The following CTNNA3 variants were observed in gnomAD, a reference collection of about 807,000 sequenced individuals.
The protein encoded by CTNNA3 is catenin alpha 3.
In CTNNA3, 76 loss-of-function variants were observed where a neutral mutation model predicts 95.7. The observed-to-expected ratio is 0.79, with a 90% confidence interval of 0.66 to 0.96. The LOEUF (loss-of-function observed/expected upper bound fraction) is 0.96, where lower values mean the gene tolerates loss of function less well. CTNNA3 is among the 40% of genes least tolerant of loss of function. The probability of loss-of-function intolerance (pLI) is 0.00; values close to 1 mark genes in which losing one functional copy is unlikely to be tolerated. For synonymous variants in CTNNA3, 431 were observed against 374.4 expected, an observed-to-expected ratio of 1.15 and a Z score of -1.74; for missense variants, 1,191 against 1,089.8, an observed-to-expected ratio of 1.09 and a Z score of -1.31.
chr10:67,355,870 G>A (rs1015458390), intron 5 of CTNNA3, among the ~76,000 whole-genome samples: 1 of 151,904 alleles, frequency 6.6e-6, no homozygotes, highest in African/African-American at 2.4e-5. Flanking sequence ...ATAGTGAAGA[G>A]GGAATCCCAG....
At chr10:66,288,571 C>T (rs890491110) in intron 12 of CTNNA3, among the ~76,000 whole-genome samples, 1 of 152,082 alleles carries the variant, frequency 6.6e-6, no homozygotes, top group African/African-American at 2.4e-5. Flanking sequence ...TATTAAAATA[C>T]TATAAATGAA....
chr10:67,000,236 C>T (rs2132980764), intron 7 of CTNNA3, among the ~76,000 whole-genome samples: 1 of 152,264 alleles, frequency 6.6e-6, no homozygotes, highest in South Asian at 2.1e-4. Flanking sequence ...TTACTAAGTG[C>T]TGCAGAAGTA....
intron 15 of CTNNA3, among the ~76,000 whole-genome samples, chr10:66,007,684 G>A (rs920403602): frequency 1.9e-5 from 2 of 107,060 alleles, no homozygotes; most frequent in Non-Finnish European, 3.9e-5. Flanking sequence ...TCTGAAAGGA[G>A]TATAAGCCAG....
At chr10:67,162,538 T>C (rs1452677993) in intron 7 of CTNNA3, among the ~76,000 whole-genome samples, 1 of 151,890 alleles carries the variant, frequency 6.6e-6, no homozygotes, top group East Asian at 1.9e-4. Flanking sequence ...GGCTTGAGTT[T>C]TTAAAAAAAG....
intron 11 of CTNNA3, among the ~76,000 whole-genome samples, chr10:66,450,367 C>A (rs1320358737): frequency 1.3e-5 from 2 of 152,038 alleles, no homozygotes; most frequent in Non-Finnish European, 2.9e-5. Context: ...CAAATCTAAT[C>A]TATATAAATA....
intron 5 of CTNNA3, among the ~76,000 whole-genome samples, chr10:67,340,542 G>T (rs187298457): frequency 6.6e-6 from 1 of 152,314 alleles, no homozygotes; most frequent in Admixed American, 6.5e-5. Flanking sequence ...GGCAAAGATT[G>T]TCCTGAATTT....
At chr10:67,698,936 G>A (rs1268211756), upstream of CTNNA3, among the ~76,000 whole-genome samples, 1 of 151,852 alleles carries the variant, frequency 6.6e-6, no homozygotes, top group Non-Finnish European at 1.5e-5. Flanking sequence ...AAGAAGAACA[G>A]AAGCCATCTG....
intron 9 of CTNNA3, among the ~76,000 whole-genome samples, chr10:66,708,997 G>C (rs760478704): frequency 1.7e-4 from 26 of 152,040 alleles, no homozygotes; most frequent in South Asian, 4.1e-4. Flanking sequence ...ACCTCACCAA[G>C]TGATATACAC....
At chr10:66,071,996 A>T (rs1320068190) in intron 14 of CTNNA3, among the ~76,000 whole-genome samples, 1 of 152,216 alleles carries the variant, frequency 6.6e-6, no homozygotes, top group East Asian at 1.9e-4. Context: ...ATAAAGGACA[A>T]GATAGTGATA....
chr10:67,076,123 C>T (rs558030076), intron 7 of CTNNA3, among the ~76,000 whole-genome samples: 2 of 152,306 alleles, frequency 1.3e-5, no homozygotes, highest in East Asian at 3.9e-4. Context: ...GGAGGGTGGA[C>T]CTTTTAAGCT....
At chr10:67,467,097 C>A (rs915607306) in intron 5 of CTNNA3, among the ~76,000 whole-genome samples, 1 of 151,954 alleles carries the variant, frequency 6.6e-6, no homozygotes, top group African/African-American at 2.4e-5. Context: ...ATGATCACAC[C>A]ACTGCACTTC....
chr10:66,172,819 T>C (rs559977697), intron 13 of CTNNA3, among the ~76,000 whole-genome samples: 6 of 152,178 alleles, frequency 3.9e-5, no homozygotes, highest in Non-Finnish European at 7.3e-5. Flanking sequence ...TCATTTTAAT[T>C]AGATGACTTG....
At chr10:66,551,969 T>C (rs1388321246) in intron 10 of CTNNA3, among the ~76,000 whole-genome samples, 1 of 148,180 alleles carries the variant, frequency 6.7e-6, no homozygotes, top group Admixed American at 6.8e-5. Context: ...GTGGCGCTGA[T>C]CTTGGCTCAC....
intron 11 of CTNNA3, among the ~76,000 whole-genome samples, chr10:66,451,503 C>G (rs956202629): frequency 3.9e-5 from 6 of 151,912 alleles, no homozygotes; most frequent in African/African-American, 1.5e-4. Flanking sequence ...TAAAAATGGT[C>G]TAGATTCGAA....
chr10:66,747,619 A>G (rs1256727102), intron 9 of CTNNA3, among the ~76,000 whole-genome samples: 1 of 152,166 alleles, frequency 6.6e-6, no homozygotes, highest in East Asian at 1.9e-4. Context: ...AAAATGTCTA[A>G]GACTGACCAC....
chr10:66,618,980 T>C (rs1158359076), intron 10 of CTNNA3, among the ~76,000 whole-genome samples: 2 of 152,142 alleles, frequency 1.3e-5, no homozygotes, highest in Non-Finnish European at 1.5e-5. Context: ...TCACTGGCCA[T>C]CAGAGAAATG....
chr10:66,279,846 C>T (rs1197800031), intron 13 of CTNNA3, among the ~76,000 whole-genome samples: 3 of 151,958 alleles, frequency 2.0e-5, no homozygotes, highest in Non-Finnish European at 4.4e-5. Context: ...TTTAAAAGAA[C>T]ATTTTACATT....
chr10:66,912,645 T>C (rs956135741), intron 7 of CTNNA3, among the ~76,000 whole-genome samples: 9 of 152,286 alleles, frequency 5.9e-5, no homozygotes, highest in African/African-American at 1.9e-4. Flanking sequence ...TCAATATCTA[T>C]AGTAAGATAT....
At chr10:66,940,578 T>C (rs917213882) in intron 7 of CTNNA3, among the ~76,000 whole-genome samples, 1 of 152,234 alleles carries the variant, frequency 6.6e-6, no homozygotes, top group African/African-American at 2.4e-5. Flanking sequence ...AAGAGGTTTC[T>C]GACAAAATGT....
Sources: gnomAD v4.1 joint callset for allele counts (sites outside exome capture counted in the v4.1 genomes callset) on GRCh38, gnomAD v4.1.1 for gene constraint, MANE v1.5 for transcripts, NCBI Gene and HGNC (gene_info 2026-07-23, HGNC 2026-07-21) for gene names.